Variants in ANXA8 observed in about 807,000 individuals in gnomAD.
ANXA8 encodes VAC-beta.
Under a neutral mutation model 26.8 loss-of-function variants are expected in ANXA8, and 9 were observed. The ratio of observed to expected loss-of-function variants is 0.34; its 90% confidence interval spans 0.20 to 0.59. The LOEUF (loss-of-function observed/expected upper bound fraction) is 0.59, where lower values mean the gene tolerates loss of function less well. ANXA8 is among the 20% of genes least tolerant of loss of function. ANXA8 has a pLI of 0.84. For missense variants in ANXA8, 83 were observed against 238.5 expected, an observed-to-expected ratio of 0.35 and a Z score of 4.29; for synonymous variants, 39 against 94.8, an observed-to-expected ratio of 0.41 and a Z score of 3.42.
chr10:47,627,469 T>C, the ANXA8 span, among the ~76,000 whole-genome samples: 1 of 150,104 alleles, frequency 6.7e-6, no homozygotes, highest in Non-Finnish European at 1.5e-5. Flanking sequence ...CTGCCAAGAT[T>C]CCACTGACTG....
chr10:47,703,539 G>T, the ANXA8 span, among the ~76,000 whole-genome samples: 2 of 149,658 alleles, frequency 1.3e-5, no homozygotes, highest in African/African-American at 4.9e-5. Context: ...CTGCACTTCA[G>T]CCTGGGCAAC....
At chr10:47,929,828 T>TGTCCTCC in the ANXA8 span, among the ~76,000 whole-genome samples, 1 of 150,340 alleles carries the variant, frequency 6.7e-6, no homozygotes, top group Non-Finnish European at 1.5e-5. Context: ...TTCAAGCCAC[T>TGTCCTCC]GTCCTCCCTA....
chr10:47,571,458 G>T, the ANXA8 span, among the ~76,000 whole-genome samples: 2 of 149,960 alleles, frequency 1.3e-5, no homozygotes, highest in Non-Finnish European at 2.9e-5. Context: ...CTATTTATCT[G>T]TTATTTCCTG....
the ANXA8 span, among the ~76,000 whole-genome samples, chr10:47,740,365 T>A: frequency 6.9e-6 from 1 of 145,902 alleles, no homozygotes; most frequent in South Asian, 2.1e-4. Flanking sequence ...TAAAAAAAAA[T>A]TGCATGAAAA....
At chr10:47,589,406 A>T in the ANXA8 span, 1 of 146,296 alleles carries the variant, frequency 6.8e-6, no homozygotes, top group Non-Finnish European at 1.5e-5. Flanking sequence ...CACAGTATGC[A>T]GAGGCCTGAA....
the ANXA8 span, among the ~76,000 whole-genome samples, chr10:47,687,525 A>G: frequency 6.6e-6 from 1 of 151,802 alleles, no homozygotes. Flanking sequence ...TCGGCCTCTC[A>G]AAGTGCTGGG....
At chr10:47,530,581 T>G in the ANXA8 span, among the ~76,000 whole-genome samples, 504 of 150,326 alleles carry the variant, frequency 3.4e-3, no homozygotes, top group East Asian at 0.015. Flanking sequence ...TAATCCCAGC[T>G]ACTCGGGAGG....
rs1430383413 is a variant in ANXA8 at position 47,474,853 on chromosome 10, A to G, written c.552+92T>C. 6.6e-5 allele frequency: 97 copies of G among 1,464,934 alleles called. 8 individuals are homozygous for G. Among genetic ancestry groups the G allele is most frequent in the Non-Finnish European group, 8.5e-5 (92 of 1,081,036 alleles). The allele number at this position is 1,464,934 out of a possible 1,614,324, so 90.7% of individuals were successfully genotyped here. On this transcript the variant is annotated intron_variant, in intron 7 of 11. Transcript: ENST00000585281. Reference sequence around the variant, plus strand: ...TAGGGAGCTGAGCTGGGTGGGTCCCAGCCCAGTGTCAGAGAAAGCCCCCGT... The same window carrying G: ...TAGGGAGCTGAGCTGGGTGGGTCCCGGCCCAGTGTCAGAGAAAGCCCCCGT...
chr10:47,892,518 T>C, the ANXA8 span, among the ~76,000 whole-genome samples: 2 of 144,264 alleles, frequency 1.4e-5, no homozygotes, highest in African/African-American at 5.2e-5. Context: ...CTAAGCCTTG[T>C]TGCATGCACA....
At chr10:47,540,492 ATCT>A in the ANXA8 span, among the ~76,000 whole-genome samples, 1 of 123,152 alleles carries the variant, frequency 8.1e-6, no homozygotes, top group Non-Finnish European at 1.7e-5. Flanking sequence ...GGTTTTATAG[ATCT>A]TCTGGAAAGC....
At chr10:47,507,610 A>T in the ANXA8 span, 83 of 1,530,658 alleles carry the variant, frequency 5.4e-5, 20 homozygotes, top group African/African-American at 1.1e-3. Flanking sequence ...AATTCATAAC[A>T]ATAGATGTTA....
chr10:47,647,622 A>G, the ANXA8 span, among the ~76,000 whole-genome samples: 1 of 149,512 alleles, frequency 6.7e-6, no homozygotes, highest in Non-Finnish European at 1.5e-5. Context: ...AGAAGAAATG[A>G]TGGGACCAGG....
the ANXA8 span, among the ~76,000 whole-genome samples, chr10:47,537,588 A>ATACACATATAT: frequency 7.2e-6 from 1 of 139,380 alleles, no homozygotes; most frequent in African/African-American, 2.7e-5. Context: ...ACATACATAT[A>ATACACATATAT]GGTATTTGTA....
chr10:47,737,561 T>C, the ANXA8 span, among the ~76,000 whole-genome samples: 2 of 152,068 alleles, frequency 1.3e-5, no homozygotes, highest in East Asian at 3.9e-4. Flanking sequence ...GTTAGAATTA[T>C]TATAACTTTA....
chr10:47,639,079 C>A, the ANXA8 span, among the ~76,000 whole-genome samples: 1 of 150,022 alleles, frequency 6.7e-6, no homozygotes, highest in Non-Finnish European at 1.5e-5. Context: ...CTATTCTTTT[C>A]TTATATTAAT....
intron 11 of ANXA8, among the ~76,000 whole-genome samples, chr10:47,469,810 C>G (rs1839265264): frequency 6.6e-6 from 1 of 151,532 alleles, no homozygotes; most frequent in Non-Finnish European, 1.5e-5. Flanking sequence ...CTACTTTTCA[C>G]CATTTAGTAA....
the ANXA8 span, among the ~76,000 whole-genome samples, chr10:47,599,046 A>G: frequency 6.8e-6 from 1 of 146,686 alleles, no homozygotes; most frequent in Non-Finnish European, 1.5e-5. Context: ...TAGGATTTCA[A>G]TAATTTTTTA....
At chr10:47,700,688 A>G in the ANXA8 span, among the ~76,000 whole-genome samples, 1 of 151,760 alleles carries the variant, frequency 6.6e-6, no homozygotes, top group African/African-American at 2.4e-5. Flanking sequence ...TAACCAAAAC[A>G]CTATAAACAA....
the ANXA8 span, among the ~76,000 whole-genome samples, chr10:47,733,275 CTTTCTTTCTT>C: frequency 1.0e-5 from 1 of 100,168 alleles, no homozygotes; most frequent in Non-Finnish European, 1.9e-5. Context: ...TTCTTTCTTT[CTTTCTTTCTT>C]TCTTTCTTTC....
Sources: gnomAD v4.1 joint callset for allele counts (sites outside exome capture counted in the v4.1 genomes callset) on GRCh38, gnomAD v4.1.1 for gene constraint, MANE v1.5 for transcripts, NCBI Gene and HGNC (gene_info 2026-07-23, HGNC 2026-07-21) for gene names.